FAR2: variants seen among roughly 807,000 people sequenced by gnomAD.
The protein encoded by FAR2 is fatty acyl-CoA reductase 2.
A neutral mutation model predicts 56.0 loss-of-function variants in FAR2; 19 were observed. That is an observed-to-expected ratio of 0.34 (90% CI 0.24 to 0.50). The LOEUF (loss-of-function observed/expected upper bound fraction) is 0.50. Among genes scored for constraint, FAR2 ranks in the 20% least tolerant of loss-of-function variants. The pLI, the probability that FAR2 is intolerant of heterozygous loss-of-function variation, is 0.98. For synonymous variants in FAR2, 219 were observed against 218.8 expected (o/e 1.00, Z -0.01); for missense variants, 508 against 642.2 (o/e 0.79, Z 2.26).
At chr12:29,293,578 C>A (rs1029135486) in intron 3 of FAR2, 103 bp downstream of exon 3, 1 of 1,134,502 alleles carries the variant, frequency 8.8e-7, no homozygotes, top group Non-Finnish European at 1.2e-6. Flanking sequence ...ACAAAAAAGA[C>A]ATACAAAGAA....
At chr12:29,170,749 C>CCTCT (rs57701261) in intron 1 of FAR2, among the ~76,000 whole-genome samples, 633 of 150,392 alleles carry the variant, frequency 4.2e-3, no homozygotes, top group African/African-American at 0.014. Context: ...TCTGTCTCTT[C>CCTCT]CTCTCTCTCT....
Position 29,328,375 on chromosome 12 carries a change from T to C in FAR2, c.1258-4225T>C, listed in dbSNP as rs1180485537. 7.2e-5 allele frequency among the ~76,000 whole-genome samples: 11 copies of C among 152,280 alleles called. No homozygotes were observed. The East Asian group carries it at 1.7e-3, about 24-fold the overall frequency. ...TTCCTCAGGGATCTAGAGCTAGAAA[T>C]ACCATTTGACCCAGCCATCCCATTA... On this transcript the variant is annotated intron_variant, in intron 10 of 11. Coordinates refer to ENST00000536681, the MANE Select transcript of FAR2 (RefSeq NM_001271783.2).
chr12:29,200,166 A>T (rs550024220), intron 1 of FAR2, among the ~76,000 whole-genome samples: 1 of 152,288 alleles, frequency 6.6e-6, no homozygotes, highest in South Asian at 2.1e-4. Context: ...TGGTGCCTTT[A>T]TGTGAATTAG....
At chr12:29,214,044 T>C (rs186517228) in intron 1 of FAR2, among the ~76,000 whole-genome samples, 23 of 152,338 alleles carry the variant, frequency 1.5e-4, no homozygotes, top group Non-Finnish European at 2.9e-4. Context: ...CCTTCAGAAA[T>C]GCCATCACAT....
At chr12:29,273,926 C>T (rs1010848661) in intron 2 of FAR2, among the ~76,000 whole-genome samples, 13 of 151,668 alleles carry the variant, frequency 8.6e-5, no homozygotes, top group South Asian at 2.1e-4. Flanking sequence ...GGTGGGCCAC[C>T]GCACCACACT....
chr12:29,177,008 A>G (rs1949945492), intron 1 of FAR2, among the ~76,000 whole-genome samples: 1 of 152,236 alleles, frequency 6.6e-6, no homozygotes, highest in Non-Finnish European at 1.5e-5. Flanking sequence ...AACTGGGTTA[A>G]ACAAGACTGA....
chr12:29,260,400 T>A (rs1948396666), intron 1 of FAR2, among the ~76,000 whole-genome samples: 1 of 152,190 alleles, frequency 6.6e-6, no homozygotes, highest in Non-Finnish European at 1.5e-5. Context: ...CACCTCCTCA[T>A]GACAATTGGG....
intron 1 of FAR2, among the ~76,000 whole-genome samples, chr12:29,240,223 C>T (rs996158021): frequency 1.6e-4 from 25 of 152,128 alleles, no homozygotes; most frequent in African/African-American, 5.6e-4. Flanking sequence ...CTTTAGTAAG[C>T]AAAAACATAA....
Position 29,335,337 on chromosome 12 carries a change from G to A in FAR2, c.*1543G>A, listed in dbSNP as rs1453804689. The A allele has an allele frequency of 2.6e-5, 4 of 152,094 alleles. No homozygotes were observed. Among genetic ancestry groups the A allele is most frequent in the Non-Finnish European group, 1.5e-5 (1 of 68,030 alleles). 9.4% of individuals were successfully genotyped at this position (152,094 alleles called of 1,614,324 possible). A position where few individuals can be genotyped will look rare whatever the true frequency, so the allele number is the denominator to read the frequency against. ...TTTCCCAATCTCATCTAAATTCTGG[G>A]AAATATTTTCCATAGCAGACAACCC... On this transcript the variant is annotated 3_prime_UTR_variant, in exon 12 of 12. Coordinates refer to ENST00000536681, the MANE Select transcript of FAR2 (RefSeq NM_001271783.2).
chr12:29,322,985 C>T (rs1445252409), intron 10 of FAR2, among the ~76,000 whole-genome samples: 1 of 152,206 alleles, frequency 6.6e-6, no homozygotes, highest in Non-Finnish European at 1.5e-5. Flanking sequence ...GAACCCGGTA[C>T]CTCAGTTGGA....
intron 1 of FAR2, among the ~76,000 whole-genome samples, chr12:29,254,889 G>T (rs1403680035): frequency 6.6e-6 from 1 of 150,696 alleles, no homozygotes; most frequent in Non-Finnish European, 1.5e-5. Context: ...GGAGGCGGAG[G>T]TTGCAGTGAG....
intron 1 of FAR2, among the ~76,000 whole-genome samples, chr12:29,179,530 T>C (rs533225299): frequency 1.3e-5 from 2 of 152,208 alleles, no homozygotes; most frequent in East Asian, 3.9e-4. Flanking sequence ...AAGGTGAAAA[T>C]TCTTTTCAAA....
In FAR2 at chr12:29,332,553, G is replaced by A. The variant is rs142099198; in HGVS notation, c.1258-47G>A. 1.2e-3 allele frequency: 2,003 copies of A among 1,610,926 alleles called. 30 individuals carry two copies. In the African/African-American group the frequency reaches 0.024, roughly 19 times the overall value. ...GAAACCTCAAGTGGACAAAGTGACT[G>A]TCCAGCACTGCAATTCTGGCAATCT... On this transcript the variant is annotated intron_variant, in intron 10 of 11. Transcript: ENST00000536681.
At chr12:29,300,108 A>T (rs895038671) in intron 4 of FAR2, among the ~76,000 whole-genome samples, 2 of 152,188 alleles carry the variant, frequency 1.3e-5, no homozygotes, top group African/African-American at 4.8e-5. Flanking sequence ...ATAGACGATT[A>T]TTGTTCATAC....
intron 1 of FAR2, among the ~76,000 whole-genome samples, chr12:29,234,119 G>T (rs775776293): frequency 6.6e-6 from 1 of 151,918 alleles, no homozygotes; most frequent in Non-Finnish European, 1.5e-5. Context: ...TTAAATATTG[G>T]TATGACACCA....
intron 1 of FAR2, among the ~76,000 whole-genome samples, chr12:29,267,263 A>C (rs1948532907): frequency 6.6e-6 from 1 of 152,236 alleles, no homozygotes; most frequent in Non-Finnish European, 1.5e-5. Flanking sequence ...GAAACCATTA[A>C]GAAGAAAAAA....
At chr12:29,179,532 C>A (rs927982187) in intron 1 of FAR2, among the ~76,000 whole-genome samples, 3 of 152,184 alleles carry the variant, frequency 2.0e-5, no homozygotes, top group African/African-American at 4.8e-5. Context: ...GGTGAAAATT[C>A]TTTTCAAAGC....
At chr12:29,178,353 G>A (rs1949958493) in intron 1 of FAR2, among the ~76,000 whole-genome samples, 2 of 152,304 alleles carry the variant, frequency 1.3e-5, no homozygotes, top group Admixed American at 1.3e-4. Context: ...CAGCACTTTG[G>A]GAGGCTGAGG....
chr12:29,185,222 AAATT>A (rs1377701681), intron 1 of FAR2, among the ~76,000 whole-genome samples: 7 of 152,254 alleles, frequency 4.6e-5, no homozygotes, highest in African/African-American at 1.7e-4. Flanking sequence ...GTTAAATTTC[AAATT>A]AATGATATAT....
Sources: gnomAD v4.1 joint callset for allele counts (sites outside exome capture counted in the v4.1 genomes callset) on GRCh38, gnomAD v4.1.1 for gene constraint, MANE v1.5 for transcripts, NCBI Gene and HGNC (gene_info 2026-07-23, HGNC 2026-07-21) for gene names.